LRRC4C: variants seen among roughly 807,000 people sequenced by gnomAD.
The protein encoded by LRRC4C is leucine rich repeat containing 4C.
Under a neutral mutation model 33.6 loss-of-function variants are expected in LRRC4C, and 5 were observed. That is an observed-to-expected ratio of 0.15 (90% CI 0.08 to 0.31). The LOEUF is 0.31. Ranked by LOEUF, LRRC4C falls within the 10% of genes least tolerant of loss-of-function variation. The pLI is 1.00. For missense variants in LRRC4C, 560 were observed against 796.7 expected, an observed-to-expected ratio of 0.70 and a Z score of 3.58; for synonymous variants, 329 against 302.0, an observed-to-expected ratio of 1.09 and a Z score of -0.93.
intron 1 of LRRC4C, among the ~76,000 whole-genome samples, chr11:41,321,919 C>T (rs1157817970): frequency 1.3e-5 from 2 of 151,866 alleles, no homozygotes; most frequent in Non-Finnish European, 2.9e-5. Flanking sequence ...GGCTGGAGTG[C>T]AATGGCGTGA....
At chr11:40,541,771 C>T (rs1591050720) in intron 3 of LRRC4C, among the ~76,000 whole-genome samples, 1 of 152,090 alleles carries the variant, frequency 6.6e-6, no homozygotes, top group Non-Finnish European at 1.5e-5. Flanking sequence ...CACTGCCTAA[C>T]CTTGATGTTT....
intron 1 of LRRC4C, among the ~76,000 whole-genome samples, chr11:41,104,473 C>T (rs774602338): frequency 4.0e-5 from 6 of 151,822 alleles, no homozygotes; most frequent in South Asian, 2.1e-4. Flanking sequence ...CTAGTGTTTT[C>T]GAGAATGTGG....
intron 1 of LRRC4C, among the ~76,000 whole-genome samples, chr11:41,032,322 T>A (rs768630649): frequency 4.6e-5 from 7 of 152,050 alleles, no homozygotes; most frequent in Non-Finnish European, 1.0e-4. Context: ...ATAACTTAGA[T>A]GTTTCTTTTT....
chr11:40,225,599 T>C (rs1299595560), intron 5 of LRRC4C, among the ~76,000 whole-genome samples: 1 of 149,728 alleles, frequency 6.7e-6, no homozygotes, highest in Non-Finnish European at 1.5e-5. Flanking sequence ...CCAATATATT[T>C]CCCAATTCTC....
intron 1 of LRRC4C, among the ~76,000 whole-genome samples, chr11:41,126,728 G>T (rs1368464712): frequency 6.6e-6 from 1 of 151,944 alleles, no homozygotes; most frequent in Non-Finnish European, 1.5e-5. Flanking sequence ...TCTTTGAAAT[G>T]TGGCTTCTAC....
intron 2 of LRRC4C, among the ~76,000 whole-genome samples, chr11:40,932,860 C>A (rs964904222): frequency 2.6e-5 from 4 of 152,118 alleles, no homozygotes; most frequent in Middle Eastern, 3.2e-3. Flanking sequence ...GGACTAGATG[C>A]GGTCAGACAG....
At chr11:41,083,892 A>G (rs1027389441) in intron 1 of LRRC4C, among the ~76,000 whole-genome samples, 1 of 152,180 alleles carries the variant, frequency 6.6e-6, no homozygotes, top group African/African-American at 2.4e-5. Context: ...ATAGGTAGAG[A>G]ATATGTAAGA....
intron 1 of LRRC4C, among the ~76,000 whole-genome samples, chr11:41,251,863 T>C (rs989844984): frequency 1.3e-5 from 2 of 152,072 alleles, no homozygotes; most frequent in Non-Finnish European, 2.9e-5. Context: ...CTAACATTTG[T>C]CTCAAGTAGA....
intron 2 of LRRC4C, among the ~76,000 whole-genome samples, chr11:40,748,380 C>G (rs1283063466): frequency 6.6e-6 from 1 of 152,076 alleles, no homozygotes; most frequent in African/African-American, 2.4e-5. Context: ...TTCATCTCCA[C>G]TAGACTAGCC....
Position 40,476,233 on chromosome 11 carries a change from T to C in LRRC4C, c.-269-156512A>G, listed in dbSNP as rs61886186. 6.3e-3 allele frequency among the ~76,000 whole-genome samples: 954 copies of C among 152,234 alleles called. 4 individuals carry two copies. Among genetic ancestry groups the C allele is most frequent in the Middle Eastern group, 0.017 (5 of 294 alleles). Reference sequence around the variant, plus strand: ...TGCCACATGCATCCATATACACTCATGTATGGCATGGCTTAAAATTATTTG... The same window carrying C: ...TGCCACATGCATCCATATACACTCACGTATGGCATGGCTTAAAATTATTTG... On this transcript the variant is annotated intron_variant, in intron 3 of 6. Coordinates refer to ENST00000528697, the MANE Select transcript of LRRC4C (RefSeq NM_001258419.2).
At chr11:41,088,108 T>C (rs549413026) in intron 1 of LRRC4C, among the ~76,000 whole-genome samples, 1 of 152,200 alleles carries the variant, frequency 6.6e-6, no homozygotes, top group East Asian at 1.9e-4. Context: ...ATCTACCCTT[T>C]TGAAAACTCC....
intron 1 of LRRC4C, among the ~76,000 whole-genome samples, chr11:41,196,734 T>C (rs923986885): frequency 5.9e-5 from 9 of 152,022 alleles, no homozygotes; most frequent in Admixed American, 3.9e-4. Context: ...GGTTGGTTGA[T>C]ACCCATCCTG....
intron 5 of LRRC4C, among the ~76,000 whole-genome samples, chr11:40,163,715 TC>T (rs1175029123): frequency 6.6e-6 from 1 of 152,066 alleles, no homozygotes; most frequent in Non-Finnish European, 1.5e-5. Context: ...GAAAGAGAAT[TC>T]CCAAGCTAAG....
At chr11:41,311,316 T>G (rs900769335) in intron 1 of LRRC4C, among the ~76,000 whole-genome samples, 1 of 152,278 alleles carries the variant, frequency 6.6e-6, no homozygotes, top group East Asian at 1.9e-4. Context: ...TAGATTTATT[T>G]TCTATATGTC....
At chr11:41,097,879 C>A (rs1340435321) in intron 1 of LRRC4C, among the ~76,000 whole-genome samples, 1 of 152,116 alleles carries the variant, frequency 6.6e-6, no homozygotes, top group African/African-American at 2.4e-5. Flanking sequence ...TGGTGGCTAT[C>A]TGAAGTTTTA....
chr11:41,029,259 T>C (rs915677694), intron 1 of LRRC4C, among the ~76,000 whole-genome samples: 11 of 151,730 alleles, frequency 7.2e-5, no homozygotes, highest in African/African-American at 2.7e-4. Context: ...ACTTTTAAGG[T>C]GTGTACACAT....
At chr11:41,370,486 G>A (rs1232585016) in intron 1 of LRRC4C, among the ~76,000 whole-genome samples, 2 of 152,138 alleles carry the variant, frequency 1.3e-5, no homozygotes, top group East Asian at 3.9e-4. Flanking sequence ...TCGTGGTAGT[G>A]AATAAGTCCT....
At chr11:40,756,970 C>T (rs561027503) in intron 2 of LRRC4C, among the ~76,000 whole-genome samples, 1 of 151,948 alleles carries the variant, frequency 6.6e-6, no homozygotes, top group Admixed American at 6.6e-5. Flanking sequence ...AGCACTTATC[C>T]TTCTTTTAAA....
chr11:41,253,905 A>G (rs2136666061), intron 1 of LRRC4C, among the ~76,000 whole-genome samples: 1 of 152,200 alleles, frequency 6.6e-6, no homozygotes, highest in Non-Finnish European at 1.5e-5. Flanking sequence ...GCACAGGGCC[A>G]TTTTAATTTC....
Sources: allele counts gnomAD v4.1 joint callset (sites outside exome capture counted in the v4.1 genomes callset), GRCh38; gene constraint gnomAD v4.1.1; transcripts MANE v1.5; gene names NCBI Gene and HGNC (gene_info 2026-07-23, HGNC 2026-07-21).